The following FHL5 variants were observed in gnomAD, a reference collection of about 807,000 sequenced individuals.
FHL5 encodes the protein four and a half LIM domains 5.
In FHL5, 33 loss-of-function variants were observed where a neutral mutation model predicts 32.0. The ratio of observed to expected loss-of-function variants is 1.03; its 90% CI spans 0.78 to 1.38. FHL5 has a LOEUF of 1.38. Among genes scored for constraint, FHL5 ranks in the 40% most tolerant of loss-of-function variants. The pLI, the probability that FHL5 is intolerant of heterozygous loss-of-function variation, is 0.00. For missense variants in FHL5, 336 were observed against 343.9 expected (o/e 0.98, Z 0.18); for synonymous variants, 114 against 113.6 (o/e 1.00, Z -0.02).
In FHL5 at chr6:96,617,824, C is replaced by T. The variant is rs1771553984; in HGVS notation, c.*2052C>T. Among the ~76,000 whole-genome samples the T allele has an allele frequency of 6.6e-6, 1 of 152,150 alleles. No homozygotes were observed. Among genetic ancestry groups the T allele is most frequent in the South Asian group, 2.1e-4 (1 of 4,836 alleles). On this transcript the variant is annotated 3_prime_UTR_variant, in exon 6 of 6. Transcript: ENST00000450218. ...TGATCAGACTTGTATTCTAGCTTTA[C>T]AATTAAAATTCACAGAATCATTTCC...
chr6:96,581,791 C>G (rs981540444), intron 1 of FHL5, among the ~76,000 whole-genome samples: 1 of 152,024 alleles, frequency 6.6e-6, no homozygotes, highest in African/African-American at 2.4e-5. Flanking sequence ...TTTTAAAAAC[C>G]CTGGCACAAT....
chr6:96,597,258 T>C (rs191273237), intron 1 of FHL5, among the ~76,000 whole-genome samples: 18 of 151,844 alleles, frequency 1.2e-4, no homozygotes, highest in African/African-American at 3.6e-4. Context: ...TATATATAAT[T>C]ACTTGTTCAT....
At chr6:96,611,915 C>T (rs1373963649) in intron 5 of FHL5, among the ~76,000 whole-genome samples, 1 of 152,182 alleles carries the variant, frequency 6.6e-6, no homozygotes, top group East Asian at 1.9e-4. Context: ...GATGTTTGGC[C>T]TGAACATGTT....
At chr6:96,603,061 A>G (rs984470015) in intron 1 of FHL5, among the ~76,000 whole-genome samples, 3 of 152,228 alleles carry the variant, frequency 2.0e-5, no homozygotes, top group African/African-American at 7.2e-5. Context: ...CGAAGACCTC[A>G]GGGTAAATGT....
chr6:96,603,311 T>A (rs1420385755), intron 1 of FHL5, among the ~76,000 whole-genome samples: 1 of 152,172 alleles, frequency 6.6e-6, no homozygotes, highest in East Asian at 1.9e-4. Flanking sequence ...TCTCATTGAA[T>A]TCCACATTAG....
chr6:96,602,422 G>GTTTTTTTTTTTTT (rs1562062430), intron 1 of FHL5, among the ~76,000 whole-genome samples: 1 of 26,584 alleles, frequency 3.8e-5, no homozygotes, highest in Non-Finnish European at 8.2e-5. Flanking sequence ...TATATGCGTT[G>GTTTTTTTTTTTTT]TTTCTTTTTT....
chr6:96,612,408 C>T (rs553650787), intron 5 of FHL5, among the ~76,000 whole-genome samples: 7 of 152,210 alleles, frequency 4.6e-5, no homozygotes, highest in African/African-American at 1.7e-4. Flanking sequence ...AAATTAACAA[C>T]TCAAAATAAG....
rs146850434 is a variant in FHL5, at chr6:96,573,839, G to T, written c.-13+10484G>T. On this transcript the variant is annotated intron_variant, in intron 1 of 5. Coordinates refer to ENST00000450218, the MANE Select transcript of FHL5 (RefSeq NM_001322466.2). ...TCTGGCCCAAAATATTCTAATTTTT[G>T]ACCTATAATTGTTTTTTAAATTAAA... Among the ~76,000 whole-genome samples, 542 of 151,602 alleles carry T rather than the reference G, an allele frequency of 3.6e-3. 2 individuals are homozygous for T. The highest frequency in any genetic ancestry group is 0.011 in the African/African-American group (440 of 41,412).
intron 2 of FHL5, 123 bp downstream of exon 2, chr6:96,603,895 C>CTTTTT: frequency 1.3e-6 from 1 of 743,920 alleles, no homozygotes; most frequent in South Asian, 1.8e-5. Context: ...ATATAAGGAT[C>CTTTTT]TTAAAAGTTA....
chr6:96,602,740 T>C (rs1405055327), intron 1 of FHL5, among the ~76,000 whole-genome samples: 2 of 152,224 alleles, frequency 1.3e-5, no homozygotes, highest in East Asian at 3.8e-4. Context: ...TATCCATAGC[T>C]ATAATGGAAT....
chr6:96,599,142 T>A (rs1160031563), intron 1 of FHL5, among the ~76,000 whole-genome samples: 1 of 149,402 alleles, frequency 6.7e-6, no homozygotes, highest in Admixed American at 6.6e-5. Context: ...AAATAGCACC[T>A]AAGAAATAAC....
At chr6:96,579,458 T>A (rs1770653260) in intron 1 of FHL5, among the ~76,000 whole-genome samples, 1 of 152,220 alleles carries the variant, frequency 6.6e-6, no homozygotes, top group Non-Finnish European at 1.5e-5. Context: ...ACAATAGTTT[T>A]AAAGACATTT....
intron 1 of FHL5, among the ~76,000 whole-genome samples, chr6:96,570,205 G>A (rs1483443874): frequency 6.6e-6 from 1 of 151,994 alleles, no homozygotes; most frequent in African/African-American, 2.4e-5. Context: ...CCTCGAGAAG[G>A]CTTTATTTCT....
At chr6:96,587,114 C>T (rs1770815095) in intron 1 of FHL5, among the ~76,000 whole-genome samples, 1 of 152,122 alleles carries the variant, frequency 6.6e-6, no homozygotes, top group Admixed American at 6.6e-5. Context: ...TTCTGGAGGG[C>T]CAAAGAACAA....
intron 1 of FHL5, among the ~76,000 whole-genome samples, chr6:96,584,528 A>T (rs1485949456): frequency 6.6e-6 from 1 of 151,626 alleles, no homozygotes. Flanking sequence ...AGATAGTGAG[A>T]CAAGTAGAAA....
At chr6:96,571,678 A>C (rs1412385376) in intron 1 of FHL5, among the ~76,000 whole-genome samples, 1 of 152,036 alleles carries the variant, frequency 6.6e-6, no homozygotes, top group East Asian at 1.9e-4. Context: ...CTGTGATTCT[A>C]CCCCTGGGGG....
Position 96,617,726 on chromosome 6 carries a change from A to C in FHL5, c.*1954A>C, listed in dbSNP as rs1582486731. Among the ~76,000 whole-genome samples the C allele has an allele frequency of 6.6e-6, 1 of 152,328 alleles. No homozygotes were observed. The highest frequency in any genetic ancestry group is 1.9e-4 in the East Asian group (1 of 5,184). ...AACCAATTATAGATACATATACAAC[A>C]TGTAATGTTTTCTTAGTTAAACAAT... On this transcript the variant is annotated 3_prime_UTR_variant, in exon 6 of 6. Transcript: ENST00000450218.
At chr6:96,572,625 C>A (rs138631190) in intron 1 of FHL5, among the ~76,000 whole-genome samples, 112 of 152,272 alleles carry the variant, frequency 7.4e-4, no homozygotes, top group African/African-American at 2.7e-3. Context: ...GCAGGTGGGG[C>A]ACAGTGTCAA....
At chr6:96,594,224 AATTTATATATATATATATATAT>A (rs1488606806) in intron 1 of FHL5, among the ~76,000 whole-genome samples, 11 of 102,712 alleles carry the variant, frequency 1.1e-4, no homozygotes, top group African/African-American at 4.3e-4. Context: ...TAAATATTAG[AATTTATATATATATATATATAT>A]ATATATATAT....
Sources: allele counts gnomAD v4.1 joint callset (sites outside exome capture counted in the v4.1 genomes callset), GRCh38; gene constraint gnomAD v4.1.1; transcripts MANE v1.5; gene names NCBI Gene and HGNC (gene_info 2026-07-23, HGNC 2026-07-21).